The following ATG4B variants were observed in gnomAD, a reference collection of about 807,000 sequenced individuals.
ATG4B encodes cysteine protease ATG4B.
A neutral mutation model predicts 56.6 loss-of-function variants in ATG4B; 29 were observed. The ratio of observed to expected loss-of-function variants is 0.51; its 90% confidence interval spans 0.38 to 0.70. ATG4B has a LOEUF of 0.70. Among genes scored for constraint, ATG4B ranks in the 30% least tolerant of loss-of-function variants. The pLI is 0.00. For missense variants in ATG4B, 461 were observed against 515.5 expected (o/e 0.89, Z 1.02); for synonymous variants, 224 against 206.1 (o/e 1.09, Z -0.74).
chr2:241,668,612 C>T lies in ATG4B; in HGVS notation c.884C>T (p.Pro295Leu), dbSNP rs772980013. The change falls in exon 10 of 13, where the codon CCG becomes CTG. Residue 295 changes from proline to leucine, a missense_variant. Pro to Leu is a moderately conservative substitution (Grantham distance 98, BLOSUM62 -3). Transcript: ENST00000404914. This position sits in a 1 kb window ranked among gnomAD's most constrained non-coding sequence, Gnocchi z 4.2. ...GAGCCCACTGATGGCTGCTTCATCCCGGACGAGAGCTTCCACTGCCAGCAC... is the reference window on the plus strand; with the variant it reads ...GAGCCCACTGATGGCTGCTTCATCCTGGACGAGAGCTTCCACTGCCAGCAC... ...AVEPTDGCFIPDESFHCQHPP... is the reference protein window; with the variant it reads ...AVEPTDGCFILDESFHCQHPP... 5 of 1,593,334 alleles carry T rather than the reference C, an allele frequency of 3.1e-6. No homozygotes were observed. Among genetic ancestry groups the T allele is most frequent in the Admixed American group, 1.7e-5 (1 of 57,742 alleles).
chr2:241,672,029 G>C, intron 12 of ATG4B, 162 bp from the exon 13 acceptor site: 3 of 1,395,574 alleles, frequency 2.1e-6, no homozygotes, highest in South Asian at 1.7e-5. Context: ...CCCCATATTC[G>C]CAGGTCTGCA....
intron 7 of ATG4B, chr2:241,659,781 T>TTTTCACTCAGGACC (rs1411739391): frequency 6.1e-6 from 1 of 163,002 alleles, no homozygotes; most frequent in Non-Finnish European, 1.4e-5. Flanking sequence ...AATGCCTCAT[T>TTTTCACTCAGGACC]GCCTTTTTCA....
rs200571075 is a variant in ATG4B at position 241,643,690 on chromosome 2, A to AT, written c.10+5970dup. Among the ~76,000 whole-genome samples, 213 of 87,748 alleles carry AT rather than the reference A, an allele frequency of 2.4e-3. 6 individuals are homozygous for AT. The highest frequency in any genetic ancestry group is 5.9e-3 in the African/African-American group (92 of 15,724). 57.6% of individuals were successfully genotyped at this position (87,748 alleles called of 152,430 possible). On this transcript the variant is annotated intron_variant, in intron 1 of 12. Coordinates refer to ENST00000404914, the MANE Select transcript of ATG4B (RefSeq NM_013325.5). Reference sequence around the variant, plus strand: ...TGTGTGTGTGTGTGTGTATGTATATATTTTCCCCCCCCCCCGTCGTCCAGG... The same window carrying AT: ...TGTGTGTGTGTGTGTGTATGTATATATTTTTCCCCCCCCCCCGTCGTCCAGG...
At chr2:241,643,688 A>G (rs1349549341) in intron 1 of ATG4B, among the ~76,000 whole-genome samples, 1 of 93,714 alleles carries the variant, frequency 1.1e-5, no homozygotes, top group Non-Finnish European at 1.9e-5. Flanking sequence ...GTGTATGTAT[A>G]TATTTTCCCC....
chr2:241,671,102 AC>A (rs1304769691), intron 11 of ATG4B, among the ~76,000 whole-genome samples: 4 of 151,862 alleles, frequency 2.6e-5, no homozygotes, highest in Non-Finnish European at 4.4e-5. Flanking sequence ...CGTGTGGCCC[AC>A]CCCCCTCTGC....
chr2:241,668,440 TCA>T lies in ATG4B; in HGVS notation c.812-99_812-98del. 6.7e-7 allele frequency: 1 copy of T among 1,494,990 alleles called. No individual in the cohort carries two copies. Among genetic ancestry groups the T allele is most frequent in the Non-Finnish European group, 9.1e-7 (1 of 1,104,468 alleles). 92.6% of individuals were successfully genotyped at this position (1,494,990 alleles called of 1,614,324 possible). A position where few individuals can be genotyped will look rare whatever the true frequency, so the allele number is the denominator to read the frequency against. ...CTCCCCACCTCCTGCCCACTGCTTC[TCA>T]GTGTGATGTGGGTGCAGTGGGTCTG... On this transcript the variant is annotated intron_variant, in intron 9 of 12. Coordinates refer to ENST00000404914, the MANE Select transcript of ATG4B (RefSeq NM_013325.5). The surrounding 1 kb of genome is among the most constrained non-coding windows in gnomAD (Gnocchi z 4.2).
At chr2:241,661,109 C>T (rs1469172876) in intron 7 of ATG4B, among the ~76,000 whole-genome samples, 4 of 152,228 alleles carry the variant, frequency 2.6e-5, no homozygotes, top group Non-Finnish European at 4.4e-5. Context: ...AGAGTGGAGT[C>T]AGGTCCTGGA....
At position 241,651,414 on chromosome 2, in the gene ATG4B, T is replaced by A; in HGVS notation, c.184+79T>A. ...GAAAACTTACGCTTGTAGATTTGACTTCAATATGCCACTGACTTCATTTGA... is the reference window on the plus strand; with the variant it reads ...GAAAACTTACGCTTGTAGATTTGACATCAATATGCCACTGACTTCATTTGA... On this transcript the variant is annotated intron_variant, in intron 3 of 12. Transcript: ENST00000404914. The surrounding 1 kb of genome is among the most constrained non-coding windows in gnomAD (Gnocchi z 4.1). The A allele has an allele frequency of 9.1e-7, 1 of 1,098,448 alleles. No homozygotes were observed. Among genetic ancestry groups the A allele is most frequent in the Non-Finnish European group, 1.3e-6 (1 of 750,468 alleles). 68.0% of individuals were successfully genotyped at this position (1,098,448 alleles called of 1,614,324 possible).
At chr2:241,669,614 TCTC>T (rs1314898485) in intron 10 of ATG4B, among the ~76,000 whole-genome samples, 1 of 152,142 alleles carries the variant, frequency 6.6e-6, no homozygotes, top group African/African-American at 2.4e-5. Context: ...TTCACGCCAT[TCTC>T]CTGCCTCAGC....
chr2:241,653,453 G>C, intron 3 of ATG4B, 59 bp from the exon 4 acceptor site: 1 of 1,551,860 alleles, frequency 6.4e-7, no homozygotes, highest in South Asian at 1.2e-5. Flanking sequence ...CTGCCAGTGG[G>C]CTTGTGGCCT....
intron 8 of ATG4B, among the ~76,000 whole-genome samples, chr2:241,667,343 T>C (rs1575088778): frequency 6.6e-6 from 1 of 152,028 alleles, no homozygotes; most frequent in Non-Finnish European, 1.5e-5. Context: ...CGGTGGCTCA[T>C]GACTGTAATC....
chr2:241,665,278 C>T (rs1041174953), intron 7 of ATG4B, among the ~76,000 whole-genome samples: 1 of 152,184 alleles, frequency 6.6e-6, no homozygotes, highest in East Asian at 1.9e-4. Flanking sequence ...TATGAGCAAG[C>T]CTCCTACGAA....
rs1336855776 is a variant in ATG4B at position 241,673,166 on chromosome 2, G to T, written c.*902G>T. ...CCCTCCCATGCCGCTGAGGTGTTAG[G>T]TGGTTTAGGGCCAAAAGGGGAAAAC... is the stretch of plus-strand genomic sequence containing the variant. On this transcript the variant is annotated 3_prime_UTR_variant, in exon 13 of 13. Coordinates refer to ENST00000404914, the MANE Select transcript of ATG4B (RefSeq NM_013325.5). 1.9e-5 allele frequency: 4 copies of T among 214,398 alleles called. No individual in the cohort carries two copies. Among genetic ancestry groups the T allele is most frequent in the Non-Finnish European group, 3.9e-5 (4 of 103,326 alleles). The allele number at this position is 214,398 out of a possible 1,614,324, so 13.3% of individuals were successfully genotyped here. A position where few individuals can be genotyped will look rare whatever the true frequency, so the allele number is the denominator to read the frequency against.
chr2:241,654,089 A>G (rs1268248798), intron 4 of ATG4B, among the ~76,000 whole-genome samples: 1 of 151,970 alleles, frequency 6.6e-6, no homozygotes, highest in Non-Finnish European at 1.5e-5. Flanking sequence ...AACTTGGCGT[A>G]TATGTATTTG....
chr2:241,665,383 A>G (rs1296234862), intron 7 of ATG4B, among the ~76,000 whole-genome samples: 1 of 152,220 alleles, frequency 6.6e-6, no homozygotes, highest in Non-Finnish European at 1.5e-5. Context: ...CTGTCCAGGG[A>G]ACAACCCGTG....
chr2:241,661,386 C>T (rs978894881), intron 7 of ATG4B, among the ~76,000 whole-genome samples: 1 of 152,082 alleles, frequency 6.6e-6, no homozygotes, highest in Non-Finnish European at 1.5e-5. Context: ...ACATCGGGGT[C>T]GTTCTGAATG....
chr2:241,656,160 C>G (rs191434972), intron 6 of ATG4B, among the ~76,000 whole-genome samples: 2 of 152,148 alleles, frequency 1.3e-5, no homozygotes, highest in Non-Finnish European at 2.9e-5. Context: ...AGGCATCCCA[C>G]GTTCCACATT....
chr2:241,670,433 C>T, intron 10 of ATG4B: 1 of 480,378 alleles, frequency 2.1e-6, no homozygotes, highest in Non-Finnish European at 3.8e-6. Flanking sequence ...CTGCCCCAAT[C>T]CCGGAACACT....
chr2:241,658,848 A>G (rs1027007832), intron 6 of ATG4B, among the ~76,000 whole-genome samples: 3 of 152,204 alleles, frequency 2.0e-5, no homozygotes, highest in African/African-American at 4.8e-5. Context: ...CAGGCCACTC[A>G]AAAGCCTCTT....
Sources: allele counts gnomAD v4.1 joint callset (sites outside exome capture counted in the v4.1 genomes callset), GRCh38; gene constraint gnomAD v4.1.1; non-coding constraint Gnocchi (gnomAD v3.1); transcripts MANE v1.5; gene names NCBI Gene and HGNC (gene_info 2026-07-23, HGNC 2026-07-21).